Variants in SLC71A1 observed in about 807,000 individuals in gnomAD.
The protein encoded by SLC71A1 is hippocampus abundant gene transcript 1.
chr1:100,063,632 C>T, the SLC71A1 span, among the ~76,000 whole-genome samples: 1 of 152,118 alleles, frequency 6.6e-6, no homozygotes, highest in South Asian at 2.1e-4. Flanking sequence ...CCCATCTATA[C>T]AGGAACTTTA....
the SLC71A1 span, chr1:100,043,048 A>G: frequency 2.0e-6 from 2 of 982,476 alleles, no homozygotes; most frequent in Non-Finnish European, 2.4e-6. Flanking sequence ...TTTGGGGATA[A>G]ATTAATATGC....
chr1:100,067,726 C>G, the SLC71A1 span, among the ~76,000 whole-genome samples: 1 of 152,062 alleles, frequency 6.6e-6, no homozygotes, highest in Non-Finnish European at 1.5e-5. Flanking sequence ...AGGAAGATCT[C>G]TTGAGCCTGA....
chr1:100,046,212 G>GTTTTTTTTTTTTTTTTTTTTTT, the SLC71A1 span, among the ~76,000 whole-genome samples: 1 of 54,078 alleles, frequency 1.8e-5, no homozygotes, highest in Non-Finnish European at 3.6e-5. Flanking sequence ...TCCAAGCCTC[G>GTTTTTTTTTTTTTTTTTTTTTT]TTTTTTTTTT....
the SLC71A1 span, among the ~76,000 whole-genome samples, chr1:100,049,551 C>A: frequency 1.2e-4 from 18 of 152,258 alleles, no homozygotes; most frequent in South Asian, 1.0e-3. Flanking sequence ...CATAATGCCG[C>A]AAGCCTTGGA....
the SLC71A1 span, chr1:100,082,873 T>C: frequency 6.5e-6 from 1 of 152,716 alleles, no homozygotes; most frequent in East Asian, 1.9e-4. Context: ...GCCTGTAATC[T>C]AAATGCTGGC....
At chr1:100,048,109 G>A in the SLC71A1 span, among the ~76,000 whole-genome samples, 2 of 152,022 alleles carry the variant, frequency 1.3e-5, no homozygotes, top group Non-Finnish European at 2.9e-5. Context: ...GTTGTACCAA[G>A]CTTTCTGCTA....
At chr1:100,082,782 C>T in the SLC71A1 span, 2 of 152,118 alleles carry the variant, frequency 1.3e-5, no homozygotes, top group African/African-American at 4.8e-5. Context: ...AGCTTGTTTG[C>T]AGTACTTTTA....
chr1:100,071,101 G>C, the SLC71A1 span, among the ~76,000 whole-genome samples: 1 of 151,912 alleles, frequency 6.6e-6, no homozygotes, highest in Non-Finnish European at 1.5e-5. Context: ...CATGAGAAAA[G>C]TGCTTTTTAA....
At chr1:100,073,191 T>C in the SLC71A1 span, among the ~76,000 whole-genome samples, 2 of 152,326 alleles carry the variant, frequency 1.3e-5, no homozygotes, top group South Asian at 2.1e-4. Flanking sequence ...AGAGCGTTTC[T>C]GATATTCTCC....
the SLC71A1 span, among the ~76,000 whole-genome samples, chr1:100,054,024 GTTTTTTTTTTTCTTTCCTT>G: frequency 7.1e-6 from 1 of 141,008 alleles, no homozygotes; most frequent in Non-Finnish European, 1.6e-5. Context: ...GAATTTACCG[GTTTTTTTTTTTCTTTCCTT>G]TTTTTTTTTT....
chr1:100,077,854 A>G, the SLC71A1 span, among the ~76,000 whole-genome samples: 1 of 152,184 alleles, frequency 6.6e-6, no homozygotes, highest in Non-Finnish European at 1.5e-5. Context: ...GGTTTGCACT[A>G]ATATTTCAAA....
chr1:100,072,580 TAA>T, the SLC71A1 span, among the ~76,000 whole-genome samples: 14 of 143,352 alleles, frequency 9.8e-5, no homozygotes, highest in African/African-American at 2.8e-4. Flanking sequence ...TCCATAATGT[TAA>T]AAAAAAAAAA....
At chr1:100,043,703 T>G in the SLC71A1 span, among the ~76,000 whole-genome samples, 1 of 152,236 alleles carries the variant, frequency 6.6e-6, no homozygotes, top group Non-Finnish European at 1.5e-5. Flanking sequence ...ATATAGTCTT[T>G]TATCCCTCTC....
the SLC71A1 span, among the ~76,000 whole-genome samples, chr1:100,059,062 A>T: frequency 6.6e-6 from 1 of 151,650 alleles, no homozygotes; most frequent in African/African-American, 2.4e-5. Context: ...AAACTATACT[A>T]AAAAACCCCC....
At chr1:100,042,426 C>T in the SLC71A1 span, among the ~76,000 whole-genome samples, 15 of 151,972 alleles carry the variant, frequency 9.9e-5, no homozygotes, top group Non-Finnish European at 1.6e-4. Flanking sequence ...AGTCAGCAAC[C>T]GTTTCAAGAG....
the SLC71A1 span, chr1:100,069,708 A>G: frequency 6.8e-7 from 1 of 1,467,088 alleles, no homozygotes; most frequent in East Asian, 2.3e-5. Flanking sequence ...TTTTAGTTAG[A>G]GTGATGTCAG....
the SLC71A1 span, among the ~76,000 whole-genome samples, chr1:100,060,711 C>G: frequency 6.6e-6 from 1 of 151,732 alleles, no homozygotes; most frequent in Non-Finnish European, 1.5e-5. Flanking sequence ...CTCCTAGTTA[C>G]AAGAGTCTGG....
the SLC71A1 span, among the ~76,000 whole-genome samples, chr1:100,041,734 G>C: frequency 6.6e-6 from 1 of 152,138 alleles, no homozygotes; most frequent in African/African-American, 2.4e-5. Flanking sequence ...GACTAGCCTG[G>C]CCAACATGGT....
the SLC71A1 span, among the ~76,000 whole-genome samples, chr1:100,039,558 G>C: frequency 6.6e-6 from 1 of 152,256 alleles, no homozygotes; most frequent in Non-Finnish European, 1.5e-5. Context: ...AATTCCTCAA[G>C]TTCTTTTTAT....
Sources: allele counts gnomAD v4.1 joint callset (sites outside exome capture counted in the v4.1 genomes callset), GRCh38; gene constraint gnomAD v4.1.1; transcripts MANE v1.5; gene names NCBI Gene and HGNC (gene_info 2026-07-23, HGNC 2026-07-21).